Variants in CFAP74 observed in about 807,000 individuals in gnomAD.
The protein encoded by CFAP74 is cilia and flagella associated protein 74.
A neutral mutation model predicts 188.9 loss-of-function variants in CFAP74; 124 were observed. That is an observed-to-expected ratio of 0.66 (90% CI 0.57 to 0.76). CFAP74 has a LOEUF of 0.76. Ranked by LOEUF, CFAP74 falls within the 30% of genes least tolerant of loss-of-function variation. The pLI is 0.00. For missense variants in CFAP74, 2,198 were observed against 2,165.2 expected (o/e 1.02, Z -0.30); for synonymous variants, 956 against 916.7 (o/e 1.04, Z -0.77).
chr1:2,001,112 C>T (rs879709979), intron 1 of CFAP74, among the ~76,000 whole-genome samples: 11 of 151,760 alleles, frequency 7.2e-5, no homozygotes, highest in East Asian at 1.9e-4. Context: ...AGGAGGGTGC[C>T]GGTGTGCGTG....
intron 15 of CFAP74, 111 bp downstream of exon 15, chr1:1,959,853 T>C: frequency 1.1e-6 from 1 of 888,382 alleles, no homozygotes; most frequent in Non-Finnish European, 1.7e-6. Flanking sequence ...TGATCCTCAC[T>C]GAGAGGCCAA....
chr1:1,977,854 T>G (rs1337670871), intron 6 of CFAP74, among the ~76,000 whole-genome samples: 2 of 152,220 alleles, frequency 1.3e-5, no homozygotes, highest in Non-Finnish European at 2.9e-5. Flanking sequence ...TTGTTGCTGT[T>G]GTTGAGATGG....
chr1:1,986,033 G>A (rs13303173), intron 5 of CFAP74, among the ~76,000 whole-genome samples: 46,038 of 152,118 alleles, frequency 0.3, 7,244 homozygotes, highest in Non-Finnish European at 0.34. Flanking sequence ...GCAGCTGGCC[G>A]GGTATGGCAG....
chr1:1,932,517 G>A (rs1570836682), intron 25 of CFAP74, among the ~76,000 whole-genome samples: 2 of 151,956 alleles, frequency 1.3e-5, no homozygotes, highest in East Asian at 3.9e-4. Flanking sequence ...TTACAGCCGT[G>A]GCGCCCAGCA....
At chr1:1,992,586 G>A (rs979730225) in intron 1 of CFAP74, among the ~76,000 whole-genome samples, 1 of 151,578 alleles carries the variant, frequency 6.6e-6, no homozygotes, top group Non-Finnish European at 1.5e-5. Flanking sequence ...CCCCTCTCCT[G>A]TCTCAGCCTC....
chr1:1,923,629 C>A lies in CFAP74; in HGVS notation c.4390-130G>T. 2 of 1,522,930 alleles carry A rather than the reference C, an allele frequency of 1.3e-6. No homozygotes were observed. The highest frequency in any genetic ancestry group is 1.2e-5 in the South Asian group (1 of 81,272). The allele number at this position is 1,522,930 out of a possible 1,614,324, so 94.3% of individuals were successfully genotyped here. Reference sequence around the variant, plus strand: ...GCCCCGTGGGGCCCTGGACTCTGGTCTTTCCACTGACGGCCCTCAGTGTGG... The same window carrying A: ...GCCCCGTGGGGCCCTGGACTCTGGTATTTCCACTGACGGCCCTCAGTGTGG... On this transcript the variant is annotated intron_variant, in intron 35 of 38. Transcript: ENST00000682832. This position sits in a 1 kb window ranked among gnomAD's most constrained non-coding sequence, Gnocchi z 6.3.
At position 1,950,757 on chromosome 1, in the gene CFAP74, A is replaced by C. The variant is rs865833373; in HGVS notation, c.2177-3703T>G. ...AATGCTTTCCGCCAGTCTGTGGCTTATCTCTGCAGTCTCTTAACAGCGTCT... is the reference window on the plus strand; with the variant it reads ...AATGCTTTCCGCCAGTCTGTGGCTTCTCTCTGCAGTCTCTTAACAGCGTCT... On this transcript the variant is annotated intron_variant, in intron 18 of 38. Coordinates refer to ENST00000682832, the MANE Select transcript of CFAP74 (RefSeq NM_001304360.2). Among the ~76,000 whole-genome samples the C allele has an allele frequency of 7.2e-5, 11 of 152,312 alleles. No individual in the cohort carries two copies. In the Middle Eastern group the frequency reaches 0.017, roughly 235 times the overall value.
chr1:1,948,100 T>C (rs573376101), intron 18 of CFAP74, among the ~76,000 whole-genome samples: 8 of 151,892 alleles, frequency 5.3e-5, no homozygotes, highest in Admixed American at 6.6e-5. Flanking sequence ...CTCGAACTCC[T>C]GACCTTGTGA....
chr1:1,963,731 T>C lies in CFAP74; in HGVS notation c.1694+18A>G, dbSNP rs368497092. On this transcript the variant is annotated intron_variant, in intron 14 of 38. Coordinates refer to ENST00000682832, the MANE Select transcript of CFAP74 (RefSeq NM_001304360.2). ...TGTCCCTGCACCGCGTCCCTCCCTG[T>C]CTGAGCCGTCCTCTTACTCAACGTG... 6.4e-7 allele frequency: 1 copy of C among 1,551,530 alleles called. No individual in the cohort carries two copies. The highest frequency in any genetic ancestry group is 2.2e-5 in the East Asian group (1 of 44,580).
intron 6 of CFAP74, among the ~76,000 whole-genome samples, chr1:1,983,468 T>C (rs2102098419): frequency 6.6e-6 from 1 of 152,308 alleles, no homozygotes; most frequent in East Asian, 1.9e-4. Flanking sequence ...ACGGGCGCTG[T>C]GCGGGACAGC....
In CFAP74 at chr1:1,940,534, C is replaced by T. The variant is rs190843335; in HGVS notation, c.2616-131G>A. ...TCTCTGGAACATCAGCGCTGGGAGA[C>T]GCATCGCGCCGCCCTCCTGCTCTCG... is the stretch of plus-strand genomic sequence containing the variant. On this transcript the variant is annotated intron_variant, in intron 22 of 38. Coordinates refer to ENST00000682832, the MANE Select transcript of CFAP74 (RefSeq NM_001304360.2). The T allele has an allele frequency of 2.4e-4, 153 of 650,902 alleles. 1 individual carries two copies. The highest frequency in any genetic ancestry group is 2.2e-3 in the South Asian group (110 of 49,970). The allele number at this position is 650,902 out of a possible 1,614,324, so 40.3% of individuals were successfully genotyped here. A position where few individuals can be genotyped will look rare whatever the true frequency, so the allele number is the denominator to read the frequency against.
At chr1:1,988,398 C>CT in intron 4 of CFAP74, 114 bp downstream of exon 4, 1 of 1,345,096 alleles carries the variant, frequency 7.4e-7, no homozygotes, top group Non-Finnish European at 1.0e-6. Flanking sequence ...CTGTGCGACC[C>CT]TCCCTTGCAG....
At chr1:1,947,131 T>A in intron 18 of CFAP74, 77 bp from the exon 19 acceptor site, 1 of 1,063,024 alleles carries the variant, frequency 9.4e-7, no homozygotes, top group Non-Finnish European at 1.4e-6. Flanking sequence ...TGGGACGTGG[T>A]CACCACCTCC....
At chr1:1,941,957 T>C (rs1570868876) in intron 22 of CFAP74, 71 bp downstream of exon 22, 1 of 1,378,834 alleles carries the variant, frequency 7.3e-7, no homozygotes, top group Admixed American at 3.0e-5. Context: ...GAGTGGCCAG[T>C]GGCGAGGAGC....
In CFAP74 at chr1:1,956,622, A is replaced by G. The variant is rs1259545985; in HGVS notation, c.2014T>C (p.Leu672=). 1 of 1,614,094 alleles carries G rather than the reference A, an allele frequency of 6.2e-7. No individual in the cohort carries two copies. The highest frequency in any genetic ancestry group is 8.5e-7 in the Non-Finnish European group (1 of 1,179,996). Residue 672 remains leucine (L), a splice_region_variant and synonymous_variant, in exon 17 of 39, where the codon TTA becomes CTA. Transcript: ENST00000682832. ...EMDDSQSALK[L]SSLLTYEDKS... Reference sequence around the variant, plus strand: ...CCATGGCTGAGTGGCACACTCACTAATTTCAGGGCAGACTGGGAGTCGTCC... The same window carrying G: ...CCATGGCTGAGTGGCACACTCACTAGTTTCAGGGCAGACTGGGAGTCGTCC...
At position 1,973,952 on chromosome 1, in the gene CFAP74, C is replaced by T; in HGVS notation, c.674+73G>A. On this transcript the variant is annotated intron_variant, in intron 7 of 38. Coordinates refer to ENST00000682832, the MANE Select transcript of CFAP74 (RefSeq NM_001304360.2). This position sits in a 1 kb window ranked among gnomAD's most constrained non-coding sequence, Gnocchi z 6.2. ...GGAGGGCGAGGCTGAATCTGGAGAC[C>T]CCTGGGGGAGAGGGCGGAGGGGCTG... 3 of 1,390,990 alleles carry T rather than the reference C, an allele frequency of 2.2e-6. No homozygotes were observed. The highest frequency in any genetic ancestry group is 2.9e-6 in the Non-Finnish European group (3 of 1,046,318). The allele number at this position is 1,390,990 out of a possible 1,614,324, so 86.2% of individuals were successfully genotyped here. A position where few individuals can be genotyped will look rare whatever the true frequency, so the allele number is the denominator to read the frequency against.
chr1:1,999,181 A>G (rs1658075178), intron 1 of CFAP74, among the ~76,000 whole-genome samples: 1 of 152,228 alleles, frequency 6.6e-6, no homozygotes, highest in Admixed American at 6.5e-5. Flanking sequence ...AAAGCTGTAA[A>G]ACTAAGACAG....
chr1:1,928,728 G>T, intron 27 of CFAP74, 56 bp downstream of exon 27: 1 of 1,360,782 alleles, frequency 7.3e-7, no homozygotes, highest in Non-Finnish European at 1.0e-6. Flanking sequence ...GGTGGAGTTT[G>T]TTCCTGCAAC....
intron 22 of CFAP74, among the ~76,000 whole-genome samples, chr1:1,941,141 T>A (rs1436594840): frequency 6.6e-6 from 1 of 151,622 alleles, no homozygotes; most frequent in African/African-American, 2.4e-5. Context: ...GAAAGAAATA[T>A]CAGGAGAAGT....
Sources: gnomAD v4.1 joint callset for allele counts (sites outside exome capture counted in the v4.1 genomes callset) on GRCh38, gnomAD v4.1.1 for gene constraint, Gnocchi (gnomAD v3.1) non-coding constraint, MANE v1.5 for transcripts, NCBI Gene and HGNC (gene_info 2026-07-23, HGNC 2026-07-21) for gene names.